SRD5A2: variants seen among roughly 807,000 people sequenced by gnomAD.
SRD5A2 encodes the protein steroid 5 alpha-reductase 2.
A neutral mutation model predicts 27.4 loss-of-function variants in SRD5A2; 30 were observed. The observed-to-expected ratio is 1.10, with a 90% CI of 0.82 to 1.49. SRD5A2 has a LOEUF of 1.49. SRD5A2 is among the 40% of genes most tolerant of loss of function. The pLI is 0.00. For missense variants in SRD5A2, 348 were observed against 323.4 expected (o/e 1.08, Z -0.58); for synonymous variants, 141 against 133.6 (o/e 1.06, Z -0.38).
At chr2:31,615,433 T>C in the SRD5A2 span, among the ~76,000 whole-genome samples, 1 of 152,190 alleles carries the variant, frequency 6.6e-6, no homozygotes, top group African/African-American at 2.4e-5. Flanking sequence ...TAAAGGTGAC[T>C]CTTGCTATGT....
chr2:31,582,200 T>G (rs567983276), upstream of SRD5A2, among the ~76,000 whole-genome samples: 1 of 152,326 alleles, frequency 6.6e-6, no homozygotes, highest in African/African-American at 2.4e-5. Flanking sequence ...TGGAGGTCTC[T>G]TCTCTTCCTT....
At chr2:31,641,846 G>T in the SRD5A2 span, among the ~76,000 whole-genome samples, 1 of 151,986 alleles carries the variant, frequency 6.6e-6, no homozygotes, top group Admixed American at 6.5e-5. Context: ...TTAATCTACA[G>T]ATTCATTGCA....
intron 1 of SRD5A2, among the ~76,000 whole-genome samples, chr2:31,565,270 G>C (rs1333861664): frequency 1.3e-5 from 2 of 151,678 alleles, no homozygotes; most frequent in African/African-American, 4.8e-5. Context: ...AATATAAATA[G>C]GAAATAGGAA....
chr2:31,636,801 C>T, the SRD5A2 span, among the ~76,000 whole-genome samples: 1 of 152,034 alleles, frequency 6.6e-6, no homozygotes, highest in Non-Finnish European at 1.5e-5. Context: ...TTGAACTAAC[C>T]TTGTATCTCT....
chr2:31,628,066 G>A, the SRD5A2 span, among the ~76,000 whole-genome samples: 1 of 152,124 alleles, frequency 6.6e-6, no homozygotes, highest in Non-Finnish European at 1.5e-5. Context: ...AATACTGTCA[G>A]TGGGGTGTTA....
chr2:31,606,926 T>C, the SRD5A2 span, among the ~76,000 whole-genome samples: 2 of 151,994 alleles, frequency 1.3e-5, no homozygotes, highest in Non-Finnish European at 1.5e-5. Context: ...AGGGTTGTGA[T>C]GGATAATCTT....
At position 31,532,361 on chromosome 2, in the gene SRD5A2, T is replaced by TCACACA. The variant is rs35752905; in HGVS notation, c.446-895_446-890dup. Among the ~76,000 whole-genome samples, 506 of 143,792 alleles carry TCACACA rather than the reference T, an allele frequency of 3.5e-3. 1 individual carries two copies. Among genetic ancestry groups the TCACACA allele is most frequent in the South Asian group, 0.027 (118 of 4,300 alleles). The allele number at this position is 143,792 out of a possible 152,430, so 94.3% of individuals were successfully genotyped here. A position where few individuals can be genotyped will look rare whatever the true frequency, so the allele number is the denominator to read the frequency against. Reference sequence around the variant, plus strand: ...CAAACTGACTTCCATCACTGCCAGTTCACACACACACACACACACACACAC... The same window carrying TCACACA: ...CAAACTGACTTCCATCACTGCCAGTTCACACACACACACACACACACACACACACAC... On this transcript the variant is annotated intron_variant, in intron 2 of 4. Coordinates refer to ENST00000622030, the MANE Select transcript of SRD5A2 (RefSeq NM_000348.4).
the SRD5A2 span, among the ~76,000 whole-genome samples, chr2:31,648,983 T>C: frequency 6.6e-6 from 1 of 152,172 alleles, no homozygotes; most frequent in Non-Finnish European, 1.5e-5. Flanking sequence ...GTGCTTCTCT[T>C]TCCTGGGTTT....
chr2:31,536,754 G>A (rs1361572263), intron 1 of SRD5A2, among the ~76,000 whole-genome samples: 1 of 152,180 alleles, frequency 6.6e-6, no homozygotes, highest in East Asian at 1.9e-4. Flanking sequence ...GAGTCTATTA[G>A]CCCAAGAGGC....
intron 1 of SRD5A2, among the ~76,000 whole-genome samples, chr2:31,557,471 AT>A (rs948256476): frequency 6.6e-6 from 1 of 152,128 alleles, no homozygotes; most frequent in Non-Finnish European, 1.5e-5. Flanking sequence ...TAAAACCATA[AT>A]TTTTTTTCTT....
chr2:31,622,714 C>A, the SRD5A2 span, among the ~76,000 whole-genome samples: 1 of 152,012 alleles, frequency 6.6e-6, no homozygotes, highest in East Asian at 1.9e-4. Flanking sequence ...CAGCAGTAAA[C>A]CACCATATAG....
chr2:31,548,899 A>G (rs1258882996), intron 1 of SRD5A2, among the ~76,000 whole-genome samples: 1 of 152,044 alleles, frequency 6.6e-6, no homozygotes, highest in African/African-American at 2.4e-5. Flanking sequence ...GGCTTTATAA[A>G]GGAAGAAAAT....
chr2:31,561,169 A>G (rs1346261092), intron 1 of SRD5A2, among the ~76,000 whole-genome samples: 4 of 152,140 alleles, frequency 2.6e-5, no homozygotes, highest in Non-Finnish European at 5.9e-5. Flanking sequence ...TGAGATTTGT[A>G]AAAGAGCACA....
At position 31,523,744 on chromosome 2, in the gene SRD5A2, C is replaced by T. The variant is rs1200628983; in HGVS notation, c.*2452G>A. 4.6e-6 allele frequency: 1 copy of T among 219,728 alleles called. No individual in the cohort carries two copies. The highest frequency in any genetic ancestry group is 5.8e-5 in the Admixed American group (1 of 17,312). The allele number at this position is 219,728 out of a possible 1,614,324, so 13.6% of individuals were successfully genotyped here. ...CTCAATTAACTATAATTTTGTTGCA[C>T]CCTATTTTTAAAAGTGGGAAGAAAT... On this transcript the variant is annotated 3_prime_UTR_variant, in exon 5 of 5. Transcript: ENST00000622030.
At chr2:31,583,312 C>T (rs1667112535), upstream of SRD5A2, among the ~76,000 whole-genome samples, 1 of 152,218 alleles carries the variant, frequency 6.6e-6, no homozygotes, top group South Asian at 2.1e-4. Flanking sequence ...AGAACAAGCA[C>T]ACCCTTACTT....
upstream of SRD5A2, chr2:31,580,973 C>A: frequency 2.7e-6 from 4 of 1,467,770 alleles, no homozygotes; most frequent in Non-Finnish European, 2.7e-6. Context: ...CTTTATGGAG[C>A]GCCAGACGCC....
upstream of SRD5A2, chr2:31,581,131 C>A: frequency 1.8e-6 from 1 of 554,190 alleles, no homozygotes; most frequent in South Asian, 2.7e-5. Flanking sequence ...CTTCTTAGTT[C>A]GCCCGCCCTC....
the SRD5A2 span, among the ~76,000 whole-genome samples, chr2:31,592,014 C>G: frequency 6.7e-6 from 1 of 149,474 alleles, no homozygotes; most frequent in Non-Finnish European, 1.5e-5. Flanking sequence ...GTGCAGCACA[C>G]CAACATGGCA....
intron 1 of SRD5A2, among the ~76,000 whole-genome samples, chr2:31,562,482 C>T (rs1182129495): frequency 2.0e-5 from 3 of 152,068 alleles, no homozygotes; most frequent in Non-Finnish European, 4.4e-5. Context: ...TTCATTCAAT[C>T]TAATCATATT....
Sources: allele counts gnomAD v4.1 joint callset (sites outside exome capture counted in the v4.1 genomes callset), GRCh38; gene constraint gnomAD v4.1.1; transcripts MANE v1.5; gene names NCBI Gene and HGNC (gene_info 2026-07-23, HGNC 2026-07-21).